CPPED1: variants seen among roughly 807,000 people sequenced by gnomAD.
The protein encoded by CPPED1 is serine/threonine-protein phosphatase CPPED1.
Under a neutral mutation model 28.0 loss-of-function variants are expected in CPPED1, and 28 were observed. That is an observed-to-expected ratio of 1.00 (90% CI 0.74 to 1.37). The LOEUF (loss-of-function observed/expected upper bound fraction) is 1.37, where lower values mean the gene tolerates loss of function less well. CPPED1 is among the 40% of genes most tolerant of loss of function. The pLI is 0.00. For synonymous variants in CPPED1, 198 were observed against 180.2 expected, an observed-to-expected ratio of 1.10 and a Z score of -0.79; for missense variants, 504 against 416.5, an observed-to-expected ratio of 1.21 and a Z score of -1.83.
At chr16:12,707,481 T>C (rs1029252673) in intron 2 of CPPED1, among the ~76,000 whole-genome samples, 3 of 152,168 alleles carry the variant, frequency 2.0e-5, no homozygotes, top group African/African-American at 7.2e-5. Flanking sequence ...GGATGACTTC[T>C]CCTGGCTGCC....
At chr16:12,795,040 C>T (rs1322865583) in intron 1 of CPPED1, among the ~76,000 whole-genome samples, 1 of 152,230 alleles carries the variant, frequency 6.6e-6, no homozygotes, top group African/African-American at 2.4e-5. Context: ...CAGAACTCCA[C>T]TTGGGGTTTG....
chr16:12,672,555 G>A (rs890697875), intron 3 of CPPED1, among the ~76,000 whole-genome samples: 1 of 152,166 alleles, frequency 6.6e-6, no homozygotes. Flanking sequence ...GCCTTAGAAG[G>A]TTTGTGTGCA....
intron 1 of CPPED1, among the ~76,000 whole-genome samples, chr16:12,803,133 A>G (rs1406198954): frequency 1.3e-5 from 2 of 152,240 alleles, no homozygotes; most frequent in African/African-American, 4.8e-5. Flanking sequence ...AAGGCAAAGC[A>G]GATAATCTAA....
chr16:12,726,343 T>C (rs1250255746), intron 2 of CPPED1, among the ~76,000 whole-genome samples: 2 of 66,338 alleles, frequency 3.0e-5, no homozygotes, highest in Non-Finnish European at 5.0e-5. Flanking sequence ...CCCAGCCCTT[T>C]TTTTTTTTTT....
intron 2 of CPPED1, among the ~76,000 whole-genome samples, chr16:12,742,735 AACG>A (rs1476001085): frequency 6.6e-6 from 1 of 152,166 alleles, no homozygotes; most frequent in Non-Finnish European, 1.5e-5. Flanking sequence ...TCAGTGGGGA[AACG>A]ACAGTTGTTG....
chr16:12,697,970 T>C (rs1205466927), intron 3 of CPPED1, among the ~76,000 whole-genome samples: 4 of 152,020 alleles, frequency 2.6e-5, no homozygotes, highest in Non-Finnish European at 5.9e-5. Context: ...ATTAGCCAGA[T>C]GTGGTGGCGT....
chr16:12,707,371 C>T (rs553718902), intron 2 of CPPED1, among the ~76,000 whole-genome samples: 2 of 152,302 alleles, frequency 1.3e-5, no homozygotes, highest in East Asian at 3.9e-4. Flanking sequence ...CGACTTGCTT[C>T]CTCTGGACAC....
intron 3 of CPPED1, among the ~76,000 whole-genome samples, chr16:12,698,336 A>G (rs1032027083): frequency 6.6e-6 from 1 of 152,188 alleles, no homozygotes; most frequent in Non-Finnish European, 1.5e-5. Flanking sequence ...AGTGACTGCA[A>G]TACAGCGCAA....
chr16:12,685,311 G>T (rs891959279), intron 3 of CPPED1, among the ~76,000 whole-genome samples: 1 of 152,156 alleles, frequency 6.6e-6, no homozygotes, highest in African/African-American at 2.4e-5. Context: ...TTAGCCAGGT[G>T]TGGTGGTGGC....
At chr16:12,705,336 TAGTGGACTGGGTAC>T (rs1437565966) in intron 2 of CPPED1, among the ~76,000 whole-genome samples, 1 of 152,156 alleles carries the variant, frequency 6.6e-6, no homozygotes, top group African/African-American at 2.4e-5. Context: ...GATTAAATAT[TAGTGGACTGGGTAC>T]AGTGGCTCAC....
chr16:12,729,559 G>A (rs552176015), intron 2 of CPPED1, among the ~76,000 whole-genome samples: 2 of 152,266 alleles, frequency 1.3e-5, no homozygotes, highest in African/African-American at 2.4e-5. Flanking sequence ...AGAAAACGAC[G>A]TCTGGAGTAC....
chr16:12,702,067 C>A (rs1465598949), intron 3 of CPPED1, among the ~76,000 whole-genome samples: 1 of 152,190 alleles, frequency 6.6e-6, no homozygotes, highest in Non-Finnish European at 1.5e-5. Context: ...AACTGCCATT[C>A]TGGTTTGTAG....
intron 3 of CPPED1, among the ~76,000 whole-genome samples, chr16:12,674,334 G>A (rs2079867256): frequency 6.6e-6 from 1 of 152,154 alleles, no homozygotes; most frequent in South Asian, 2.1e-4. Context: ...GTTCCTGGCT[G>A]GCTCAAGGAG....
At chr16:12,766,256 T>TATATATATATATAGAGAGAGAGAGAG in intron 2 of CPPED1, among the ~76,000 whole-genome samples, 1 of 134,254 alleles carries the variant, frequency 7.4e-6, no homozygotes, top group African/African-American at 3.5e-5. Context: ...TATATATATA[T>TATATATATATATAGAGAGAGAGAGAG]AGAGAGAGAG....
intron 3 of CPPED1, among the ~76,000 whole-genome samples, chr16:12,688,695 C>G (rs1283951375): frequency 6.6e-6 from 1 of 152,130 alleles, no homozygotes; most frequent in East Asian, 1.9e-4. Context: ...GACTTTTCTC[C>G]AAGACTCTGA....
chr16:12,783,667 G>A (rs1256237801), intron 1 of CPPED1, among the ~76,000 whole-genome samples: 2 of 151,942 alleles, frequency 1.3e-5, no homozygotes, highest in Non-Finnish European at 2.9e-5. Flanking sequence ...TATCACCTTA[G>A]AATGGACTCT....
At chr16:12,750,832 G>A (rs940132619) in intron 2 of CPPED1, among the ~76,000 whole-genome samples, 1 of 152,018 alleles carries the variant, frequency 6.6e-6, no homozygotes, top group Admixed American at 6.5e-5. Context: ...TTAGCCAGGC[G>A]TGGTGCCTCA....
At chr16:12,778,442 A>T (rs1201898359) in intron 2 of CPPED1, among the ~76,000 whole-genome samples, 1 of 150,906 alleles carries the variant, frequency 6.6e-6, no homozygotes, top group Non-Finnish European at 1.5e-5. Context: ...ATGCCCGGCT[A>T]ATTTTTGTAT....
intron 1 of CPPED1, among the ~76,000 whole-genome samples, chr16:12,794,699 CAA>C (rs1415885186): frequency 1.3e-5 from 2 of 152,134 alleles, no homozygotes; most frequent in African/African-American, 2.4e-5. Context: ...AGTCAGTGCT[CAA>C]AAAGTTTCGG....
Sources: allele counts gnomAD v4.1 joint callset (sites outside exome capture counted in the v4.1 genomes callset), GRCh38; gene constraint gnomAD v4.1.1; transcripts MANE v1.5; gene names NCBI Gene and HGNC (gene_info 2026-07-23, HGNC 2026-07-21).